Variants in FZD3 observed in about 807,000 individuals in gnomAD.
FZD3 encodes the protein frizzled class receptor 3.
In FZD3, 30 loss-of-function variants were observed where a neutral mutation model predicts 60.7. That is an observed-to-expected ratio of 0.49 (90% CI 0.37 to 0.67). The LOEUF is 0.67. Among genes scored for constraint, FZD3 ranks in the 30% least tolerant of loss-of-function variants. FZD3 has a pLI of 0.00. For missense variants in FZD3, 605 were observed against 838.7 expected, an observed-to-expected ratio of 0.72 and a Z score of 3.44; for synonymous variants, 246 against 275.2, an observed-to-expected ratio of 0.89 and a Z score of 1.05.
intron 5 of FZD3, among the ~76,000 whole-genome samples, chr8:28,530,724 C>A (rs1804849101): frequency 6.6e-6 from 1 of 152,134 alleles, no homozygotes; most frequent in African/African-American, 2.4e-5. Flanking sequence ...TCCCCAGAGA[C>A]AACCATCATC....
At chr8:28,551,325 C>G (rs1363044760) in intron 5 of FZD3, among the ~76,000 whole-genome samples, 1 of 152,052 alleles carries the variant, frequency 6.6e-6, no homozygotes, top group African/African-American at 2.4e-5. Context: ...TGCAGCCTGG[C>G]CAACATGGTG....
rs62001924 is a variant in FZD3 at position 28,555,858 on chromosome 8, C to G, written c.1674C>G (p.Thr558=). The change falls in exon 7 of 8, where the codon ACC becomes ACG. Residue 558 remains threonine (T), a synonymous_variant. Transcript: ENST00000240093. ...SRGTSTQGTS[T]HASSTQLAMV... is the part of the protein sequence containing the mutation. ...GAACTTCCACTCAAGGAACATCCAC[C>G]CATGCTTCTTCAACTCAGCTGGCTA... 6.2e-6 allele frequency: 10 copies of G among 1,613,194 alleles called. No individual in the cohort carries two copies. The Admixed American group carries it at 1.2e-4, about 19-fold the overall frequency.
chr8:28,518,805 T>TA lies in FZD3; in HGVS notation c.190-1832dup, dbSNP rs1804499299. ...AAGCTTGATTCCTAGCCTCTTGTCTTACGCCCAGTTCAACAAATACCACCT... is the reference window on the plus strand; with the variant it reads ...AAGCTTGATTCCTAGCCTCTTGTCTTAACGCCCAGTTCAACAAATACCACCT... On this transcript the variant is annotated intron_variant, in intron 3 of 7. Transcript: ENST00000240093. Among the ~76,000 whole-genome samples the TA allele has an allele frequency of 2.6e-5, 4 of 152,234 alleles. No homozygotes were observed. The South Asian group carries it at 8.3e-4, about 32-fold the overall frequency.
chr8:28,534,360 C>G (rs1190183502), intron 5 of FZD3, among the ~76,000 whole-genome samples: 1 of 152,174 alleles, frequency 6.6e-6, no homozygotes, highest in Non-Finnish European at 1.5e-5. Context: ...ACTGAGATGA[C>G]TTAGCAATAT....
At chr8:28,547,722 A>G (rs1301892116) in intron 5 of FZD3, among the ~76,000 whole-genome samples, 1 of 152,250 alleles carries the variant, frequency 6.6e-6, no homozygotes, top group East Asian at 1.9e-4. Context: ...TTTATTATTC[A>G]TTAACGAAAT....
At position 28,569,326 on chromosome 8, in the gene FZD3, G is replaced by T. The variant is rs534121046; in HGVS notation, c.*6315G>T. Reference sequence around the variant, plus strand: ...TATTTTATTTTTAAAAATACAATAGGATTTTGAGTCAGGAAACTTGACTTC... The same window carrying T: ...TATTTTATTTTTAAAAATACAATAGTATTTTGAGTCAGGAAACTTGACTTC... On this transcript the variant is annotated 3_prime_UTR_variant, in exon 8 of 8. Transcript: ENST00000240093. 7 of 151,014 alleles carry T rather than the reference G, an allele frequency of 4.6e-5. No homozygotes were observed. Among genetic ancestry groups the T allele is most frequent in the Admixed American group, 4.0e-4 (6 of 15,106 alleles). 9.4% of individuals were successfully genotyped at this position (151,014 alleles called of 1,614,324 possible).
chr8:28,531,714 T>C (rs774845717), intron 5 of FZD3, among the ~76,000 whole-genome samples: 3 of 152,210 alleles, frequency 2.0e-5, no homozygotes, highest in Non-Finnish European at 4.4e-5. Context: ...TTTTCGTATG[T>C]TTATTGGCCA....
intron 5 of FZD3, among the ~76,000 whole-genome samples, chr8:28,546,156 C>T (rs1805288320): frequency 2.6e-5 from 4 of 152,202 alleles, no homozygotes; most frequent in Admixed American, 2.6e-4. Flanking sequence ...AACAACACAT[C>T]ACTCAGAACA....
rs576212192 is a variant in FZD3 at position 28,503,726 on chromosome 8, G to A, written c.189+524G>A. ...TGTCTATAATGGTTTTAGAATTGAG[G>A]ACAGGGATATATATACCAGATAAGA... is the stretch of plus-strand genomic sequence containing the variant. On this transcript the variant is annotated intron_variant, in intron 3 of 7. Transcript: ENST00000240093. 5.3e-5 allele frequency among the ~76,000 whole-genome samples: 8 copies of A among 152,284 alleles called. No homozygotes were observed. The South Asian group carries it at 1.7e-3, about 32-fold the overall frequency.
At chr8:28,556,654 C>G (rs1805513909) in intron 7 of FZD3, among the ~76,000 whole-genome samples, 1 of 150,876 alleles carries the variant, frequency 6.6e-6, no homozygotes, top group Admixed American at 6.6e-5. Flanking sequence ...GCCATATGGT[C>G]TTCACTGCAA....
At chr8:28,543,719 CAAA>C (rs199814192) in intron 5 of FZD3, among the ~76,000 whole-genome samples, 2 of 128,800 alleles carry the variant, frequency 1.6e-5, no homozygotes, top group Non-Finnish European at 3.4e-5. Context: ...TTTTGTAAGC[CAAA>C]AAAAAAAAAA....
intron 3 of FZD3, among the ~76,000 whole-genome samples, chr8:28,506,218 C>T (rs1327593424): frequency 2.0e-5 from 3 of 152,172 alleles, no homozygotes; most frequent in African/African-American, 7.2e-5. Context: ...GGCTTTTCCT[C>T]ATACTGAATA....
intron 3 of FZD3, among the ~76,000 whole-genome samples, chr8:28,517,795 T>A (rs7832791): frequency 6.6e-6 from 1 of 151,866 alleles, no homozygotes; most frequent in Non-Finnish European, 1.5e-5. Flanking sequence ...AATCTTTTAT[T>A]GAAGATATTA....
intron 3 of FZD3, among the ~76,000 whole-genome samples, chr8:28,509,133 T>A (rs1804218830): frequency 6.6e-6 from 1 of 152,124 alleles, no homozygotes. Flanking sequence ...TAGGTTCATA[T>A]GTTTTATTTT....
intron 5 of FZD3, chr8:28,530,354 ACCT>A (rs1285023592): frequency 2.0e-5 from 3 of 151,516 alleles, no homozygotes; most frequent in African/African-American, 7.3e-5. Context: ...TAATGAATCT[ACCT>A]CCTAGGGTTG....
rs1805763014 is a variant in FZD3 at position 28,569,320 on chromosome 8, CA to C, written c.*6311del. 6.6e-6 allele frequency: 1 copy of C among 150,884 alleles called. No homozygotes were observed. The highest frequency in any genetic ancestry group is 2.1e-4 in the South Asian group (1 of 4,784). 9.3% of individuals were successfully genotyped at this position (150,884 alleles called of 1,614,324 possible). A position where few individuals can be genotyped will look rare whatever the true frequency, so the allele number is the denominator to read the frequency against. On this transcript the variant is annotated 3_prime_UTR_variant, in exon 8 of 8. Coordinates refer to ENST00000240093, the MANE Select transcript of FZD3 (RefSeq NM_017412.4). ...CTGTATTATTTTATTTTTAAAAATACAATAGGATTTTGAGTCAGGAAACTTG... is the reference window on the plus strand; with the variant it reads ...CTGTATTATTTTATTTTTAAAAATACATAGGATTTTGAGTCAGGAAACTTG...
intron 3 of FZD3, among the ~76,000 whole-genome samples, chr8:28,515,621 A>G (rs1804405096): frequency 6.6e-6 from 1 of 152,106 alleles, no homozygotes; most frequent in Admixed American, 6.5e-5. Flanking sequence ...TTCCTTCCTT[A>G]CCAGTCTAGC....
chr8:28,549,922 A>G (rs1018702767), intron 5 of FZD3, among the ~76,000 whole-genome samples: 3 of 152,242 alleles, frequency 2.0e-5, no homozygotes, highest in East Asian at 1.9e-4. Flanking sequence ...GTCCTGGCCT[A>G]TTCTTTTAAT....
intron 1 of FZD3, among the ~76,000 whole-genome samples, chr8:28,496,482 A>G (rs1803847377): frequency 6.6e-6 from 1 of 152,140 alleles, no homozygotes; most frequent in South Asian, 2.1e-4. Flanking sequence ...CTCTAGAATT[A>G]TGCATGATTA....
Sources: gnomAD v4.1 joint callset for allele counts (sites outside exome capture counted in the v4.1 genomes callset) on GRCh38, gnomAD v4.1.1 for gene constraint, MANE v1.5 for transcripts, NCBI Gene and HGNC (gene_info 2026-07-23, HGNC 2026-07-21) for gene names.